Variants in SYTL5 observed in about 807,000 individuals in gnomAD.
SYTL5 encodes the protein synaptotagmin like 5, also known as synaptotagmin-like protein 5.
A neutral mutation model predicts 55.9 loss-of-function variants in SYTL5; 34 were observed. The ratio of observed to expected loss-of-function variants is 0.61; its 90% CI spans 0.46 to 0.81. SYTL5 has a LOEUF of 0.81. Among genes scored for constraint, SYTL5 ranks in the 30% least tolerant of loss-of-function variants. The pLI is 0.00. For missense variants in SYTL5, 637 were observed against 546.7 expected, an observed-to-expected ratio of 1.17 and a Z score of -1.65; for synonymous variants, 221 against 188.7, an observed-to-expected ratio of 1.17 and a Z score of -1.40.
the SYTL5 span, among the ~76,000 whole-genome samples, chrX:37,916,923 T>G: frequency 1.8e-5 from 2 of 111,630 alleles, no homozygotes; most frequent in African/African-American, 6.5e-5. Context: ...CCACGCAGTC[T>G]TCATGTCTCC....
chrX:37,963,662 C>T, the SYTL5 span, among the ~76,000 whole-genome samples: 4 of 111,838 alleles, frequency 3.6e-5, no homozygotes, highest in Admixed American at 1.9e-4. Flanking sequence ...GTTTTCTACA[C>T]GGAAGATCAT....
chrX:38,047,292 C>A (rs1208461892), intron 2 of SYTL5, among the ~76,000 whole-genome samples: 1 of 113,080 alleles, frequency 8.8e-6, no homozygotes, highest in Non-Finnish European at 1.9e-5. Flanking sequence ...GCCTAGGCAT[C>A]CAGGCATTTC....
chrX:37,960,911 T>C, the SYTL5 span, among the ~76,000 whole-genome samples: 30,129 of 107,363 alleles, frequency 0.28, 3,688 homozygotes, highest in East Asian at 0.59. Flanking sequence ...TTCTCCTGCC[T>C]CAGCCTCCTG....
intron 3 of SYTL5, among the ~76,000 whole-genome samples, chrX:38,064,224 C>T (rs779250581): frequency 1.1e-4 from 12 of 111,316 alleles, no homozygotes; most frequent in South Asian, 7.6e-4. Flanking sequence ...GCACACCAAA[C>T]GGTATGAGCA....
chrX:37,940,813 C>T, the SYTL5 span, among the ~76,000 whole-genome samples: 1 of 110,249 alleles, frequency 9.1e-6, no homozygotes, highest in South Asian at 3.9e-4. Flanking sequence ...TGGGATATTT[C>T]CAGGAGACTT....
the SYTL5 span, among the ~76,000 whole-genome samples, chrX:37,915,182 G>A: frequency 1.8e-5 from 2 of 111,265 alleles, no homozygotes; most frequent in Admixed American, 9.5e-5. Flanking sequence ...GTGCACAGGC[G>A]TGTGTTGGGT....
the SYTL5 span, among the ~76,000 whole-genome samples, chrX:37,969,926 G>A: frequency 8.9e-6 from 1 of 112,126 alleles, no homozygotes; most frequent in South Asian, 3.8e-4. Flanking sequence ...GAGCCAAGGT[G>A]CCCAGCCTGG....
Position 38,054,161 on chromosome X carries a change from T to C in SYTL5, c.120-52T>C, listed in dbSNP as rs1344796422. On this transcript the variant is annotated intron_variant, in intron 2 of 16. Coordinates refer to ENST00000297875, the MANE Select transcript of SYTL5 (RefSeq NM_138780.3). ...GACATTGTTTTAGACATTGTAGATA[T>C]CTCTGCTCCTGTTTGTTTTTTTAAG... The C allele has an allele frequency of 3.3e-6, 3 of 917,890 alleles. No individual in the cohort carries two copies. In the African/African-American group the frequency reaches 5.9e-5, roughly 18 times the overall value. The allele number at this position is 917,890 out of a possible 1,213,427, so 75.6% of individuals were successfully genotyped here. A position where few individuals can be genotyped will look rare whatever the true frequency, so the allele number is the denominator to read the frequency against.
intron 14 of SYTL5, among the ~76,000 whole-genome samples, chrX:38,121,254 C>T (rs896201724): frequency 3.6e-5 from 4 of 111,970 alleles, no homozygotes; most frequent in African/African-American, 1.3e-4. Context: ...CACCAGGCCC[C>T]ACCTCCAATA....
chrX:38,105,709 T>C (rs893096774), intron 10 of SYTL5, among the ~76,000 whole-genome samples: 3 of 112,136 alleles, frequency 2.7e-5, no homozygotes, highest in Non-Finnish European at 3.8e-5. Flanking sequence ...TTAAAACTTA[T>C]GAATTTTTTG....
the SYTL5 span, among the ~76,000 whole-genome samples, chrX:37,969,451 G>A: frequency 1.2e-4 from 13 of 111,668 alleles, no homozygotes; most frequent in African/African-American, 4.2e-4. Flanking sequence ...GTTTTGAAGT[G>A]AAACATCACT....
chrX:38,068,192 C>T (rs1231436524), intron 3 of SYTL5, among the ~76,000 whole-genome samples: 1 of 111,999 alleles, frequency 8.9e-6, no homozygotes, highest in Non-Finnish European at 1.9e-5. Context: ...CATCACTAAT[C>T]ATCAGAGAAA....
chrX:37,993,185 C>T, the SYTL5 span, among the ~76,000 whole-genome samples: 3 of 111,975 alleles, frequency 2.7e-5, no homozygotes, highest in Non-Finnish European at 5.6e-5. Context: ...GATCCTAAAA[C>T]TGAATTCCCA....
chrX:38,065,139 T>C (rs1002120710), intron 3 of SYTL5, among the ~76,000 whole-genome samples: 11 of 111,887 alleles, frequency 9.8e-5, no homozygotes, highest in Non-Finnish European at 1.9e-4. Flanking sequence ...AGAAACTTGG[T>C]ATTCTTGAAC....
intron 2 of SYTL5, among the ~76,000 whole-genome samples, chrX:38,035,407 C>T (rs776395367): frequency 3.6e-5 from 4 of 111,633 alleles, no homozygotes; most frequent in African/African-American, 1.3e-4. Context: ...CTGGCTAACA[C>T]GGTGAAACCC....
At chrX:38,119,112 C>T (rs759095949) in intron 13 of SYTL5, among the ~76,000 whole-genome samples, 180 of 110,294 alleles carry the variant, frequency 1.6e-3, no homozygotes, top group Middle Eastern at 0.014. Flanking sequence ...CTACACCCAG[C>T]CACAACCAAG....
At position 38,073,218 on chromosome X, in the gene SYTL5, G is replaced by T. The variant is rs902059367; in HGVS notation, c.446-372G>T. On this transcript the variant is annotated intron_variant, in intron 4 of 16. Coordinates refer to ENST00000297875, the MANE Select transcript of SYTL5 (RefSeq NM_138780.3). ...CCCTCCCAGGAAGTGTGGCTTATAT[G>T]CCCAGAAATTAGGACATCATTTCTA... 2.7e-5 allele frequency among the ~76,000 whole-genome samples: 3 copies of T among 111,908 alleles called. No individual in the cohort carries two copies. In the Admixed American group the frequency reaches 2.8e-4, roughly 11 times the overall value.
At chrX:37,975,670 C>T in the SYTL5 span, among the ~76,000 whole-genome samples, 1 of 111,263 alleles carries the variant, frequency 9.0e-6, no homozygotes, top group Non-Finnish European at 1.9e-5. Flanking sequence ...GGAATTTGAC[C>T]TTTTGTGTTT....
At chrX:37,903,872 G>A in the SYTL5 span, among the ~76,000 whole-genome samples, 1 of 111,077 alleles carries the variant, frequency 9.0e-6, no homozygotes, top group Admixed American at 9.6e-5. Context: ...AGTACTGTGA[G>A]CTTCCTTCTT....
Sources: allele counts gnomAD v4.1 joint callset (sites outside exome capture counted in the v4.1 genomes callset), GRCh38; gene constraint gnomAD v4.1.1; transcripts MANE v1.5; gene names NCBI Gene and HGNC (gene_info 2026-07-23, HGNC 2026-07-21).